The following DPP3 variants were observed in gnomAD, a reference collection of about 807,000 sequenced individuals.
The protein encoded by DPP3 is DPP III.
A neutral mutation model predicts 89.8 loss-of-function variants in DPP3; 64 were observed. The ratio of observed to expected loss-of-function variants is 0.71; its 90% CI spans 0.58 to 0.88. The LOEUF is 0.88. DPP3 is among the 40% of genes least tolerant of loss of function. The pLI is 0.00. For synonymous variants in DPP3, 377 were observed against 404.3 expected, an observed-to-expected ratio of 0.93 and a Z score of 0.81; for missense variants, 835 against 972.5, an observed-to-expected ratio of 0.86 and a Z score of 1.88.
In DPP3 at chr11:66,486,692, T is replaced by C; in HGVS notation, c.498+15T>C. 1.3e-6 allele frequency: 2 copies of C among 1,486,814 alleles called. No homozygotes were observed. Among genetic ancestry groups the C allele is most frequent in the Non-Finnish European group, 9.0e-7 (1 of 1,115,558 alleles). The allele number at this position is 1,486,814 out of a possible 1,614,324, so 92.1% of individuals were successfully genotyped here. On this transcript the variant is annotated intron_variant, in intron 4 of 17. Transcript: ENST00000531863. ...TGGGGAAGGAGGTGAGGCCCCTGAC[T>C]CCCCCGAGGGGACAGGGAGTGGAGG...
rs762335511 is a variant in DPP3, at chr11:66,491,327, C to T, written c.742C>T (p.Arg248Trp). The T allele has an allele frequency of 3.2e-5, 51 of 1,613,846 alleles. No individual in the cohort carries two copies. The highest frequency in any genetic ancestry group is 4.5e-5 in the East Asian group (2 of 44,860). Residue 248 changes from arginine to tryptophan, a missense_variant, in exon 7 of 18, where the codon CGG (arginine) becomes TGG (tryptophan). Coordinates refer to ENST00000531863, the MANE Select transcript of DPP3 (RefSeq NM_130443.4). ...CCGGGGAAGCCCTTTCCAGGTGACC[C>T]GGGGGGACTACGCGCCCATCCTCCA... ...EFRGSPFQVT[R>W]GDYAPILQKV...
chr11:66,485,108 A>T (rs1177422997), intron 2 of DPP3, 65 bp from the exon 3 acceptor site: 4 of 1,457,894 alleles, frequency 2.7e-6, no homozygotes, highest in Non-Finnish European at 3.8e-6. Flanking sequence ...GCATCTCAGG[A>T]GGAGGTGTCG....
intron 16 of DPP3, among the ~76,000 whole-genome samples, chr11:66,498,080 T>C (rs7123176): frequency 0.23 from 34,631 of 150,410 alleles, 4,185 homozygotes; most frequent in East Asian, 0.27. Flanking sequence ...TTACAGGCTT[T>C]CACCACCACG....
At chr11:66,482,495 A>G (rs200170886) in intron 2 of DPP3, 25 bp downstream of exon 2, 10 of 1,592,146 alleles carry the variant, frequency 6.3e-6, no homozygotes, top group African/African-American at 5.3e-5. Context: ...GCCAACCCAC[A>G]TTACCTGAGT....
At chr11:66,487,886 T>C (rs1286349492) in intron 5 of DPP3, 28 bp from the exon 6 acceptor site, 1 of 1,609,336 alleles carries the variant, frequency 6.2e-7, no homozygotes, top group Admixed American at 1.7e-5. Flanking sequence ...CAGACTTCAC[T>C]CTTAACCCCT....
At chr11:66,504,884 T>G in intron 17 of DPP3, 110 bp downstream of exon 17, 1 of 1,222,986 alleles carries the variant, frequency 8.2e-7, no homozygotes, top group African/African-American at 1.6e-5. Context: ...TAACCCAGCC[T>G]GGGATGGCCC....
rs537700179 is a variant in DPP3, at chr11:66,502,841, C to T, written c.1879-1771C>T. Among the ~76,000 whole-genome samples the T allele has an allele frequency of 8.7e-4, 133 of 152,248 alleles. 1 individual carries two copies. Among genetic ancestry groups the T allele is most frequent in the African/African-American group, 3.2e-3 (133 of 41,554 alleles). On this transcript the variant is annotated intron_variant, in intron 16 of 17. Transcript: ENST00000531863. ...GTCTTGATCTACTGACCTCATGATC[C>T]GCCCACCTCGTCCTCCCAAAGTGCT...
intron 16 of DPP3, among the ~76,000 whole-genome samples, chr11:66,498,566 A>T (rs1212776853): frequency 1.3e-5 from 2 of 152,224 alleles, no homozygotes; most frequent in African/African-American, 4.8e-5. Context: ...TTTTGGACAA[A>T]CAAAAACAGT....
rs1013549226 is a variant in DPP3, at chr11:66,480,598, G to A, written c.-9+133G>A. The A allele has an allele frequency of 5.2e-5, 55 of 1,053,490 alleles. 1 individual carries two copies. The African/African-American group carries it at 8.2e-4, about 16-fold the overall frequency. The allele number at this position is 1,053,490 out of a possible 1,614,324, so 65.3% of individuals were successfully genotyped here. On this transcript the variant is annotated intron_variant, in intron 1 of 17. Coordinates refer to ENST00000531863, the MANE Select transcript of DPP3 (RefSeq NM_130443.4). ...CCCCCTCCAAATTCACCCCGCCCTC[G>A]AGGCCAAGGAGTGCTCCGGGGAGCA...
chr11:66,488,018 C>G lies in DPP3; in HGVS notation c.667+11C>G. The G allele has an allele frequency of 6.2e-7, 1 of 1,612,376 alleles. No individual in the cohort carries two copies. The highest frequency in any genetic ancestry group is 8.5e-7 in the Non-Finnish European group (1 of 1,179,050). ...CTGTGCTTGGCTCAGGTGAGCTTAG[C>G]CCCAGGCTTCCCTTCTGCTCCCTCC... On this transcript the variant is annotated intron_variant, in intron 6 of 17. Coordinates refer to ENST00000531863, the MANE Select transcript of DPP3 (RefSeq NM_130443.4).
Position 66,495,379 on chromosome 11 carries a change from T to C in DPP3, c.1467T>C (p.Tyr489=), listed in dbSNP as rs1240131419. 1 of 1,613,832 alleles carries C rather than the reference T, an allele frequency of 6.2e-7. No individual in the cohort carries two copies. Among genetic ancestry groups the C allele is most frequent in the Non-Finnish European group, 8.5e-7 (1 of 1,179,846 alleles). ...PETGEQIQSW[Y]RSGETWDSKF... ...TCCTTTTCCAGATTCAGAGCTGGTA[T>C]CGGAGCGGGGAGACCTGGGATAGCA... is the stretch of plus-strand genomic sequence containing the variant. The change falls in exon 14 of 18, where the codon TAT becomes TAC. Residue 489 remains tyrosine, a synonymous_variant. Coordinates refer to ENST00000531863, the MANE Select transcript of DPP3 (RefSeq NM_130443.4).
At chr11:66,500,417 A>G (rs1235162871) in intron 16 of DPP3, among the ~76,000 whole-genome samples, 1 of 152,206 alleles carries the variant, frequency 6.6e-6, no homozygotes, top group East Asian at 1.9e-4. Context: ...CCCAACATAA[A>G]ATAAGCAAAA....
rs1413505994 is a variant in DPP3 at position 66,480,485 on chromosome 11, CT to C, written c.-9+24del. 1 of 1,479,968 alleles carries C rather than the reference CT, an allele frequency of 6.8e-7. No individual in the cohort carries two copies. Among genetic ancestry groups the C allele is most frequent in the Non-Finnish European group, 8.9e-7 (1 of 1,123,636 alleles). 91.7% of individuals were successfully genotyped at this position (1,479,968 alleles called of 1,614,324 possible). Reference sequence around the variant, plus strand: ...CTGCAGGTGAGGCGCGGCGCCTGGGCTTTTGGGGTCAAAGCGTGTCATCCCG... The same window carrying C: ...CTGCAGGTGAGGCGCGGCGCCTGGGCTTTGGGGTCAAAGCGTGTCATCCCG... On this transcript the variant is annotated intron_variant, in intron 1 of 17. Coordinates refer to ENST00000531863, the MANE Select transcript of DPP3 (RefSeq NM_130443.4).
intron 3 of DPP3, among the ~76,000 whole-genome samples, chr11:66,485,517 T>C (rs1168286343): frequency 6.6e-6 from 1 of 152,208 alleles, no homozygotes; most frequent in Non-Finnish European, 1.5e-5. Context: ...GGAAGTGTTC[T>C]GTGAACTTTT....
intron 17 of DPP3, among the ~76,000 whole-genome samples, chr11:66,506,097 C>T (rs1048725124): frequency 2.6e-4 from 39 of 151,746 alleles, no homozygotes; most frequent in Admixed American, 1.3e-3. Context: ...AACAGGCGCC[C>T]GCCACCACAC....
chr11:66,494,090 T>C (rs1855470524), intron 12 of DPP3, among the ~76,000 whole-genome samples: 1 of 152,112 alleles, frequency 6.6e-6, no homozygotes, highest in Non-Finnish European at 1.5e-5. Flanking sequence ...TGCGCTGCTG[T>C]TCCGTGGAAC....
In DPP3 at chr11:66,495,686, A is replaced by G; in HGVS notation, c.1634A>G (p.Asn545Ser). Residue 545 changes from asparagine to serine, a missense_variant, in exon 15 of 18, where the codon AAC becomes AGC. By Grantham distance (46) the Asn-to-Ser change is conservative (BLOSUM62 1). Transcript: ENST00000531863. ...GACGTGATCTACGTGAACTGGCTCA[A>G]CATGGTTCGGGCCGGGCTGCTCGCT... Reference protein sequence around the residue: ...AEDVIYVNWLNMVRAGLLALE... With the variant: ...AEDVIYVNWLSMVRAGLLALE... 2 of 1,614,040 alleles carry G rather than the reference A, an allele frequency of 1.2e-6. No homozygotes were observed. The highest frequency in any genetic ancestry group is 1.7e-5 in the Admixed American group (1 of 60,016).
Position 66,491,618 on chromosome 11 carries a change from T to G in DPP3, c.923T>G (p.Val308Gly), listed in dbSNP as rs1332077442. The G allele has an allele frequency of 6.2e-7, 1 of 1,613,210 alleles. No homozygotes were observed. The highest frequency in any genetic ancestry group is 8.5e-7 in the Non-Finnish European group (1 of 1,179,324). The change falls in exon 8 of 18, where the codon GTG becomes GGG. Residue 308 changes from valine to glycine, a missense_variant. Physicochemically the swap from Val to Gly is moderately radical, Grantham distance 109. Transcript: ENST00000531863. The stretch of plus-strand genomic sequence containing the variant: ...TGGATCCAGGACAAAGGCCCCATCG[T>G]GGAGAGGTGAGGCGCCAGCTCCACC... ...RFWIQDKGPIVESYIGFIESY... is the reference protein window; with the variant it reads ...RFWIQDKGPIGESYIGFIESY...
intron 16 of DPP3, among the ~76,000 whole-genome samples, chr11:66,501,993 T>C (rs11227497): frequency 0.24 from 36,759 of 151,648 alleles, 4,694 homozygotes; most frequent in East Asian, 0.27. Flanking sequence ...GTCAAACGAT[T>C]GAGACCATCC....
Sources: gnomAD v4.1 joint callset for allele counts (sites outside exome capture counted in the v4.1 genomes callset) on GRCh38, gnomAD v4.1.1 for gene constraint, MANE v1.5 for transcripts, NCBI Gene and HGNC (gene_info 2026-07-23, HGNC 2026-07-21) for gene names.